Variants in PAGE2B observed in about 807,000 individuals in gnomAD.
PAGE2B encodes the protein PAGE family member 2B.
PAGE2B carries 5 observed loss-of-function variants against 7.6 expected under a neutral mutation model. The observed-to-expected ratio is 0.66, with a 90% CI of 0.34 to 1.38. The LOEUF (loss-of-function observed/expected upper bound fraction) is 1.38, where lower values mean the gene tolerates loss of function less well. PAGE2B is among the 40% of genes most tolerant of loss of function. PAGE2B has a pLI of 0.04. For synonymous variants in PAGE2B, 29 were observed against 26.7 expected (o/e 1.09, Z -0.27); for missense variants, 70 against 78.4 (o/e 0.89, Z 0.41).
At position 55,076,661 on chromosome X, in the gene PAGE2B, A is replaced by C. The variant is rs771461257; in HGVS notation, c.177A>C (p.Gly59=). 4 of 1,206,172 alleles carry C rather than the reference A, an allele frequency of 3.3e-6. No individual in the cohort carries two copies. The part of the protein sequence containing the change: ...IAPSGEIENE[G]APAVQGPDME... Reference sequence around the variant, plus strand: ...CTAGTGGGGAGATCGAAAATGAAGGAGCACCTGCCGTTCAAGGTGAAGGGA... The same window carrying C: ...CTAGTGGGGAGATCGAAAATGAAGGCGCACCTGCCGTTCAAGGTGAAGGGA... Residue 59 remains glycine, a synonymous_variant, in exon 3 of 5, where the codon GGA becomes GGC. Transcript: ENST00000374971.
the PAGE2B span, among the ~76,000 whole-genome samples, chrX:55,046,664 T>A: frequency 8.9e-6 from 1 of 111,831 alleles, no homozygotes; most frequent in African/African-American, 3.2e-5. Context: ...TGACCAACTT[T>A]ATAGATCTTG....
chrX:55,052,888 A>T, the PAGE2B span, among the ~76,000 whole-genome samples: 2 of 112,658 alleles, frequency 1.8e-5, no homozygotes, highest in Admixed American at 9.3e-5. Flanking sequence ...TGCGTCGCTC[A>T]TGCTGGGAGC....
At chrX:55,041,498 C>T in the PAGE2B span, among the ~76,000 whole-genome samples, 3 of 111,933 alleles carry the variant, frequency 2.7e-5, no homozygotes, top group African/African-American at 9.7e-5. Flanking sequence ...TTCTTTGTTT[C>T]GTTGTTGTTG....
the PAGE2B span, chrX:55,030,851 G>A: frequency 3.8e-6 from 1 of 259,844 alleles, no homozygotes; most frequent in Non-Finnish European, 7.7e-6. Flanking sequence ...GAAAAAGTCA[G>A]ATCTACTCAG....
the PAGE2B span, among the ~76,000 whole-genome samples, chrX:55,051,433 C>G: frequency 2.7e-5 from 3 of 112,322 alleles, no homozygotes; most frequent in Admixed American, 2.8e-4. Context: ...CTCCCTGTCA[C>G]TTTCAGGTAC....
upstream of PAGE2B, among the ~76,000 whole-genome samples, chrX:55,074,558 G>T (rs1345083330): frequency 8.9e-6 from 1 of 111,943 alleles, no homozygotes; most frequent in Non-Finnish European, 1.9e-5. Flanking sequence ...CTTTAATTTT[G>T]TCCAGATGGA....
chrX:55,047,711 G>A, the PAGE2B span, among the ~76,000 whole-genome samples: 1 of 112,053 alleles, frequency 8.9e-6, no homozygotes, highest in Non-Finnish European at 1.9e-5. Context: ...CTGCACAAAT[G>A]TCTTCTTTTG....
chrX:55,057,748 A>G, the PAGE2B span, among the ~76,000 whole-genome samples: 9 of 111,966 alleles, frequency 8.0e-5, no homozygotes, highest in African/African-American at 1.3e-4. Context: ...TGGTCTTTCA[A>G]TGTCTAATTA....
chrX:55,050,909 G>T, the PAGE2B span, among the ~76,000 whole-genome samples: 1 of 111,687 alleles, frequency 9.0e-6, no homozygotes, highest in African/African-American at 3.3e-5. Flanking sequence ...AGCCTTGATG[G>T]TCTTTACAAT....
At chrX:55,040,857 A>C in the PAGE2B span, among the ~76,000 whole-genome samples, 2 of 111,253 alleles carry the variant, frequency 1.8e-5, 1 homozygote, top group Non-Finnish European at 3.8e-5. Context: ...ACCTATATAA[A>C]ATGCTGTAAG....
chrX:55,030,966 C>T, the PAGE2B span: 6 of 340,394 alleles, frequency 1.8e-5, no homozygotes, highest in South Asian at 7.8e-5. Context: ...TGAGGACGAA[C>T]GAATGACAGG....
At chrX:55,049,899 TA>T in the PAGE2B span, among the ~76,000 whole-genome samples, 2 of 112,177 alleles carry the variant, frequency 1.8e-5, no homozygotes, top group East Asian at 5.6e-4. Flanking sequence ...ATTGTGATGT[TA>T]GGATGTCAAT....
the PAGE2B span, among the ~76,000 whole-genome samples, chrX:55,037,487 A>C: frequency 2.7e-5 from 3 of 111,282 alleles, 1 homozygote; most frequent in Admixed American, 1.9e-4. Flanking sequence ...TGTGGAAGTC[A>C]GTGTGGCGAT....
At chrX:55,045,368 A>G in the PAGE2B span, among the ~76,000 whole-genome samples, 8 of 111,544 alleles carry the variant, frequency 7.2e-5, no homozygotes, top group Non-Finnish European at 3.8e-5. Flanking sequence ...ATATCACGCT[A>G]TGTTCAACCT....
chrX:55,063,013 G>A, the PAGE2B span, among the ~76,000 whole-genome samples: 7,676 of 111,083 alleles, frequency 0.069, 614 homozygotes, highest in African/African-American at 0.23. Context: ...GCTCTGTAGT[G>A]TAATTTAAAG....
intron 4 of PAGE2B, among the ~76,000 whole-genome samples, chrX:55,077,885 A>T (rs776653660): frequency 8.3e-4 from 90 of 109,078 alleles, no homozygotes; most frequent in African/African-American, 2.9e-3. Flanking sequence ...TAATGCATAT[A>T]TTAATTAGCT....
chrX:55,066,572 AT>A, the PAGE2B span, among the ~76,000 whole-genome samples: 3 of 111,373 alleles, frequency 2.7e-5, no homozygotes, highest in East Asian at 5.7e-4. Context: ...AGGATAAAAA[AT>A]TTTTTTCCTT....
chrX:55,037,617 G>T, the PAGE2B span, among the ~76,000 whole-genome samples: 5 of 110,618 alleles, frequency 4.5e-5, no homozygotes, highest in East Asian at 1.2e-3. Flanking sequence ...GTTTATTGCG[G>T]CACTATTCAC....
the PAGE2B span, among the ~76,000 whole-genome samples, chrX:55,038,145 C>T: frequency 9.0e-6 from 1 of 110,841 alleles, no homozygotes; most frequent in African/African-American, 3.3e-5. Flanking sequence ...CAAATCCCTC[C>T]CTGCCCCACC....
Sources: gnomAD v4.1 joint callset for allele counts (sites outside exome capture counted in the v4.1 genomes callset) on GRCh38, gnomAD v4.1.1 for gene constraint, MANE v1.5 for transcripts, NCBI Gene and HGNC (gene_info 2026-07-23, HGNC 2026-07-21) for gene names.